The following KALRN variants were observed in gnomAD, a reference collection of about 807,000 sequenced individuals.
The protein encoded by KALRN is kalirin RhoGEF kinase.
A neutral mutation model predicts 353.7 loss-of-function variants in KALRN; 70 were observed. The ratio of observed to expected loss-of-function variants is 0.20; its 90% CI spans 0.16 to 0.24. The LOEUF (loss-of-function observed/expected upper bound fraction) is 0.24. KALRN is among the 10% of genes least tolerant of loss of function. The probability of loss-of-function intolerance (pLI) is 1.00; values close to 1 mark genes in which losing one functional copy is unlikely to be tolerated. For missense variants in KALRN, 2,791 were observed against 3,756.7 expected (o/e 0.74, Z 6.72); for synonymous variants, 1,391 against 1,434.8 (o/e 0.97, Z 0.69).
intron 34 of KALRN, among the ~76,000 whole-genome samples, chr3:124,592,872 G>T (rs1440759834): frequency 6.6e-6 from 1 of 152,234 alleles, no homozygotes; most frequent in African/African-American, 2.4e-5. Context: ...TTTGCCAAGT[G>T]AAAGAGCAAA....
At chr3:124,452,190 A>G (rs1409954942) in intron 21 of KALRN, among the ~76,000 whole-genome samples, 1 of 152,218 alleles carries the variant, frequency 6.6e-6, no homozygotes, top group African/African-American at 2.4e-5. Context: ...AGTGGGGACC[A>G]TGGCCATGGT....
intron 10 of KALRN, among the ~76,000 whole-genome samples, chr3:124,349,813 A>G (rs2082663771): frequency 6.6e-6 from 1 of 152,196 alleles, no homozygotes. Context: ...AATGCACCTT[A>G]TGATGGACAA....
intron 33 of KALRN, among the ~76,000 whole-genome samples, chr3:124,539,922 T>TTGGG (rs760016132): frequency 2.3e-5 from 3 of 132,004 alleles, no homozygotes; most frequent in Admixed American, 7.3e-5. Context: ...TAATTTTTTT[T>TTGGG]GGGGGGGGGG....
intron 33 of KALRN, among the ~76,000 whole-genome samples, chr3:124,529,097 T>C (rs534919735): frequency 2.6e-4 from 40 of 152,288 alleles, no homozygotes; most frequent in Non-Finnish European, 4.7e-4. Context: ...TGTCAAATCA[T>C]ACTAGTACCC....
chr3:124,399,344 G>A (rs145746832), intron 13 of KALRN, among the ~76,000 whole-genome samples: 20 of 152,168 alleles, frequency 1.3e-4, no homozygotes, highest in African/African-American at 4.8e-4. Context: ...CACCACGTTG[G>A]TCAGGCTGGT....
rs142859676 is a variant in KALRN, at chr3:124,666,296, G to T, written c.6346-153G>T. 5.3e-5 allele frequency among the ~76,000 whole-genome samples: 8 copies of T among 152,294 alleles called. No individual in the cohort carries two copies. In the East Asian group the frequency reaches 1.5e-3, roughly 29 times the overall value. ...CCAAGGTCGGCCCCTGGATGAGTGG[G>T]TGGGTCCTAATTCAGTCTCTTCCTA... On this transcript the variant is annotated intron_variant, in intron 45 of 59. Transcript: ENST00000682506.
chr3:124,293,284 T>C (rs941474866), intron 5 of KALRN, among the ~76,000 whole-genome samples: 18 of 152,222 alleles, frequency 1.2e-4, no homozygotes, highest in African/African-American at 4.3e-4. Flanking sequence ...AATCTATAAT[T>C]AGAGTATAAA....
rs10707283 is a variant in KALRN, at chr3:124,616,965, C to CA, written c.5183-15438dup. Reference sequence around the variant, plus strand: ...GGGTGACAGAGTAAGACTCCATCTCCAAAAAAAAAAAAAAAAAGTTATATT... The same window carrying CA: ...GGGTGACAGAGTAAGACTCCATCTCCAAAAAAAAAAAAAAAAAAGTTATATT... On this transcript the variant is annotated intron_variant, in intron 34 of 59. Coordinates refer to ENST00000682506, the MANE Select transcript of KALRN (RefSeq NM_001388419.1). 8.3e-4 allele frequency among the ~76,000 whole-genome samples: 104 copies of CA among 125,614 alleles called. 1 individual carries two copies. Among genetic ancestry groups the CA allele is most frequent in the Middle Eastern group, 4.2e-3 (1 of 240 alleles). The allele number at this position is 125,614 out of a possible 152,430, so 82.4% of individuals were successfully genotyped here. A position where few individuals can be genotyped will look rare whatever the true frequency, so the allele number is the denominator to read the frequency against.
At chr3:124,170,763 C>G (rs2071640792) in intron 1 of KALRN, among the ~76,000 whole-genome samples, 1 of 145,232 alleles carries the variant, frequency 6.9e-6, no homozygotes, top group Non-Finnish European at 1.5e-5. Flanking sequence ...CCTGCAGAGT[C>G]TCAGGGCACA....
intron 30 of KALRN, among the ~76,000 whole-genome samples, 180 bp from the exon 31 acceptor site, chr3:124,491,142 CG>C (rs1435959972): frequency 2.6e-5 from 4 of 152,126 alleles, no homozygotes; most frequent in African/African-American, 9.7e-5. Flanking sequence ...TAATCAGGCA[CG>C]TGCCTGTAGG....
At chr3:124,305,794 A>G (rs764610819) in intron 6 of KALRN, among the ~76,000 whole-genome samples, 2 of 152,200 alleles carry the variant, frequency 1.3e-5, no homozygotes, top group East Asian at 1.9e-4. Context: ...AGTTGCTGCT[A>G]TATGACCTAA....
At chr3:124,342,984 T>C (rs2081924647) in intron 9 of KALRN, among the ~76,000 whole-genome samples, 1 of 152,196 alleles carries the variant, frequency 6.6e-6, no homozygotes, top group Non-Finnish European at 1.5e-5. Flanking sequence ...TGCCTCTCCA[T>C]CTCCCCCATA....
At chr3:124,089,179 ACATT>A (rs1375238708) in intron 1 of KALRN, among the ~76,000 whole-genome samples, 2 of 152,218 alleles carry the variant, frequency 1.3e-5, no homozygotes, top group Non-Finnish European at 2.9e-5. Flanking sequence ...GTTGAACTTC[ACATT>A]CATTATTATC....
At chr3:124,605,571 TAAAAA>T (rs61234632) in intron 34 of KALRN, among the ~76,000 whole-genome samples, 7 of 138,522 alleles carry the variant, frequency 5.1e-5, no homozygotes, top group South Asian at 4.7e-4. Context: ...GGACTCCATC[TAAAAA>T]AAAAAAAAAA....
At chr3:124,463,382 G>A (rs932699084) in intron 25 of KALRN, among the ~76,000 whole-genome samples, 5 of 152,232 alleles carry the variant, frequency 3.3e-5, no homozygotes, top group Admixed American at 1.3e-4. Context: ...GGCTAGCAGA[G>A]GCATTTACTG....
At chr3:124,331,186 C>T (rs1338048615) in intron 8 of KALRN, among the ~76,000 whole-genome samples, 1 of 152,044 alleles carries the variant, frequency 6.6e-6, no homozygotes, top group Non-Finnish European at 1.5e-5. Flanking sequence ...TTCACAATTG[C>T]AAAAATATGG....
intron 1 of KALRN, among the ~76,000 whole-genome samples, chr3:124,074,419 T>C (rs2060168782): frequency 6.6e-6 from 1 of 152,228 alleles, no homozygotes; most frequent in African/African-American, 2.4e-5. Context: ...ATCTCTATGA[T>C]AGTCTAGTCA....
At chr3:124,156,574 A>G (rs754656895) in intron 1 of KALRN, among the ~76,000 whole-genome samples, 10 of 152,118 alleles carry the variant, frequency 6.6e-5, no homozygotes, top group Non-Finnish European at 1.2e-4. Flanking sequence ...GAGTGAATCC[A>G]TGTCCTATTA....
chr3:124,315,328 A>G (rs927186914), intron 6 of KALRN, among the ~76,000 whole-genome samples: 1 of 152,136 alleles, frequency 6.6e-6, no homozygotes, highest in African/African-American at 2.4e-5. Flanking sequence ...TCCTTGGTTT[A>G]GGCAGCCTTC....
Sources: gnomAD v4.1 joint callset for allele counts (sites outside exome capture counted in the v4.1 genomes callset) on GRCh38, gnomAD v4.1.1 for gene constraint, MANE v1.5 for transcripts, NCBI Gene and HGNC (gene_info 2026-07-23, HGNC 2026-07-21) for gene names.